Variants in LAMA3 observed in about 807,000 individuals in gnomAD.
LAMA3 encodes the protein laminin subunit alpha-3.
LAMA3 carries 281 observed loss-of-function variants against 402.0 expected under a neutral mutation model. The observed-to-expected ratio is 0.70, with a 90% CI of 0.63 to 0.77. LAMA3 has a LOEUF of 0.77. LAMA3 is among the 30% of genes least tolerant of loss of function. The probability of loss-of-function intolerance (pLI) is 0.00; values close to 1 mark genes in which losing one functional copy is unlikely to be tolerated. For missense variants in LAMA3, 3,840 were observed against 4,215.5 expected, an observed-to-expected ratio of 0.91 and a Z score of 2.47; for synonymous variants, 1,431 against 1,558.4, an observed-to-expected ratio of 0.92 and a Z score of 1.93.
intron 1 of LAMA3, chr18:23,709,749 GC>G (rs1271767424): frequency 3.8e-6 from 2 of 528,066 alleles, no homozygotes; most frequent in Non-Finnish European, 7.1e-6. Flanking sequence ...TTTCTCTTCT[GC>G]TCCACAAGTT....
intron 1 of LAMA3, among the ~76,000 whole-genome samples, chr18:23,695,841 T>C (rs185082667): frequency 3.3e-4 from 28 of 86,016 alleles, no homozygotes; most frequent in Admixed American, 7.6e-4. Context: ...AAAAAAGAAA[T>C]ATGTGCACTT....
At chr18:23,854,826 A>G (rs1386784631) in intron 32 of LAMA3, among the ~76,000 whole-genome samples, 1 of 150,550 alleles carries the variant, frequency 6.6e-6, no homozygotes, top group Non-Finnish European at 1.5e-5. Context: ...TCCTAAAAAA[A>G]TACAAAAAAT....
intron 12 of LAMA3, among the ~76,000 whole-genome samples, chr18:23,795,592 A>T (rs1470643536): frequency 6.6e-6 from 1 of 152,108 alleles, no homozygotes; most frequent in African/African-American, 2.4e-5. Context: ...GTCAGTTATG[A>T]CTCCTTACAA....
rs76270744 is a variant in LAMA3, at chr18:23,833,607, A to G, written c.2824-221A>G. The stretch of plus-strand genomic sequence containing the variant: ...ATGCCCCATTAAATTGTCCAAATAA[A>G]CAATAAATAATTGTTTGTTATTTAT... On this transcript the variant is annotated intron_variant, in intron 23 of 74. Coordinates refer to ENST00000313654, the MANE Select transcript of LAMA3 (RefSeq NM_198129.4). 1.6e-3 allele frequency among the ~76,000 whole-genome samples: 246 copies of G among 152,342 alleles called. 1 individual carries two copies. The East Asian group carries it at 0.032, about 20-fold the overall frequency.
chr18:23,742,345 C>T (rs575747696), intron 2 of LAMA3, among the ~76,000 whole-genome samples: 84 of 152,188 alleles, frequency 5.5e-4, no homozygotes, highest in Non-Finnish European at 8.8e-4. Context: ...AGAGACCTGA[C>T]GACTCACTGC....
intron 36 of LAMA3, among the ~76,000 whole-genome samples, chr18:23,865,252 C>T (rs2064327083): frequency 6.6e-6 from 1 of 152,110 alleles, no homozygotes; most frequent in Admixed American, 6.5e-5. Flanking sequence ...CCTTGGCCTC[C>T]CCAAGCACTG....
At chr18:23,690,420 G>T (rs1195050619) in intron 1 of LAMA3, among the ~76,000 whole-genome samples, 4 of 152,316 alleles carry the variant, frequency 2.6e-5, no homozygotes, top group South Asian at 2.1e-4. Context: ...TTTTAAGAGA[G>T]AATTTTTAGG....
chr18:23,928,348 C>T (rs1249458361), intron 63 of LAMA3, 108 bp downstream of exon 63: 2 of 786,342 alleles, frequency 2.5e-6, no homozygotes, highest in Non-Finnish European at 4.5e-6. Flanking sequence ...CACAGTGTTA[C>T]AGTGAACTGG....
At chr18:23,899,775 A>G in intron 47 of LAMA3, 1 of 294,458 alleles carries the variant, frequency 3.4e-6, no homozygotes, top group Admixed American at 4.8e-5. Context: ...TCATTACATC[A>G]TTATTAATGG....
chr18:23,764,478 G>A (rs981203954), intron 8 of LAMA3, among the ~76,000 whole-genome samples: 1 of 152,050 alleles, frequency 6.6e-6, no homozygotes, highest in Non-Finnish European at 1.5e-5. Flanking sequence ...CCCCTTCAAT[G>A]TGTCTTTAGA....
chr18:23,950,255 C>A, intron 72 of LAMA3, 96 bp downstream of exon 72: 2 of 1,400,456 alleles, frequency 1.4e-6, no homozygotes, highest in Non-Finnish European at 2.0e-6. Context: ...AGAATGGGAT[C>A]CAATCTTGTA....
chr18:23,731,497 C>T (rs145436923), intron 2 of LAMA3, among the ~76,000 whole-genome samples: 102 of 152,288 alleles, frequency 6.7e-4, no homozygotes, highest in African/African-American at 2.3e-3. Flanking sequence ...TAGACCTGCA[C>T]AAATATACTG....
At chr18:23,858,013 A>G (rs750782883) in intron 33 of LAMA3, 25 bp downstream of exon 33, 8 of 1,614,104 alleles carry the variant, frequency 5.0e-6, no homozygotes, top group Non-Finnish European at 6.8e-6. Flanking sequence ...GCAATGCCAG[A>G]CAACAGCTGC....
intron 23 of LAMA3, among the ~76,000 whole-genome samples, chr18:23,828,856 T>C (rs2063439156): frequency 1.3e-5 from 2 of 152,238 alleles, no homozygotes; most frequent in Non-Finnish European, 2.9e-5. Flanking sequence ...TTATCATATT[T>C]ATTTTTTCTT....
At chr18:23,776,218 C>T (rs1163220292) in intron 10 of LAMA3, among the ~76,000 whole-genome samples, 2 of 152,092 alleles carry the variant, frequency 1.3e-5, no homozygotes, top group Non-Finnish European at 2.9e-5. Flanking sequence ...TGTGATTTTT[C>T]CTCCTAAATG....
In LAMA3 at chr18:23,904,581, C is replaced by T. The variant is rs760036307; in HGVS notation, c.6502C>T (p.Leu2168=). The part of the protein sequence containing the change: ...EIKRNASGDE[L]VRCAVDAATA... ...CAAGAGAAACGCCAGCGGGGATGAG[C>T]TGGTGCGCTGTGCTGTGGATGCCGC... Residue 2168 remains leucine, a synonymous_variant, in exon 51 of 75, where the codon CTG becomes TTG. Transcript: ENST00000313654. 2 of 1,606,852 alleles carry T rather than the reference C, an allele frequency of 1.2e-6. No individual in the cohort carries two copies. The highest frequency in any genetic ancestry group is 1.7e-6 in the Non-Finnish European group (2 of 1,176,892).
chr18:23,888,937 T>TAAAA (rs1568302545), intron 41 of LAMA3, among the ~76,000 whole-genome samples: 20 of 83,636 alleles, frequency 2.4e-4, no homozygotes, highest in African/African-American at 8.0e-4. Flanking sequence ...TTATTTGACT[T>TAAAA]TAAAAAAAAA....
chr18:23,798,816 C>G (rs2062815456), intron 12 of LAMA3, among the ~76,000 whole-genome samples: 1 of 152,170 alleles, frequency 6.6e-6, no homozygotes, highest in Non-Finnish European at 1.5e-5. Context: ...ATCGGCCTTT[C>G]TACAAGATCA....
intron 13 of LAMA3, among the ~76,000 whole-genome samples, chr18:23,810,818 C>T (rs1325385559): frequency 6.6e-6 from 1 of 152,108 alleles, no homozygotes; most frequent in Non-Finnish European, 1.5e-5. Flanking sequence ...ATAGGTGACT[C>T]CTTTGAGTTA....
Sources: allele counts gnomAD v4.1 joint callset (sites outside exome capture counted in the v4.1 genomes callset), GRCh38; gene constraint gnomAD v4.1.1; transcripts MANE v1.5; gene names NCBI Gene and HGNC (gene_info 2026-07-23, HGNC 2026-07-21).